HTR2C: variants seen among roughly 807,000 people sequenced by gnomAD.
The protein encoded by HTR2C is 5-hydroxytryptamine receptor 2C.
A neutral mutation model predicts 21.0 loss-of-function variants in HTR2C; 5 were observed. That is an observed-to-expected ratio of 0.24 (90% confidence interval 0.12 to 0.50). The LOEUF is 0.50. Among genes scored for constraint, HTR2C ranks in the 20% least tolerant of loss-of-function variants. HTR2C has a pLI of 0.98. For synonymous variants in HTR2C, 150 were observed against 145.3 expected (o/e 1.03, Z -0.23); for missense variants, 271 against 371.2 (o/e 0.73, Z 2.22).
At chrX:114,859,895 A>G (rs782714858) in intron 5 of HTR2C, among the ~76,000 whole-genome samples, 2 of 111,625 alleles carry the variant, frequency 1.8e-5, no homozygotes, top group South Asian at 7.3e-4. Flanking sequence ...AGCTCAAAAT[A>G]TTTACTAATT....
At chrX:114,891,702 C>T (rs782014959) in intron 5 of HTR2C, among the ~76,000 whole-genome samples, 7 of 110,231 alleles carry the variant, frequency 6.4e-5, no homozygotes, top group Non-Finnish European at 5.7e-5. Flanking sequence ...ACAGAGAGAT[C>T]GTTAAATCTA....
At chrX:114,746,860 C>T (rs2069710118) in intron 4 of HTR2C, among the ~76,000 whole-genome samples, 1 of 111,376 alleles carries the variant, frequency 9.0e-6, no homozygotes, top group Non-Finnish European at 1.9e-5. Flanking sequence ...TGGCGGGCGC[C>T]TGTAGTCCCA....
chrX:114,589,991 T>C, intron 1 of HTR2C: 1 of 160,724 alleles, frequency 6.2e-6, no homozygotes, highest in Non-Finnish European at 1.2e-5. Flanking sequence ...GTGTTAAAAA[T>C]TATTTATCAT....
intron 4 of HTR2C, among the ~76,000 whole-genome samples, chrX:114,741,040 G>T (rs1189570604): frequency 9.0e-6 from 1 of 111,068 alleles, no homozygotes; most frequent in Non-Finnish European, 1.9e-5. Flanking sequence ...GGTAGTAGGT[G>T]ATAGTTAGCT....
intron 4 of HTR2C, among the ~76,000 whole-genome samples, chrX:114,760,668 C>T (rs781976340): frequency 9.0e-6 from 1 of 111,139 alleles, no homozygotes; most frequent in Admixed American, 9.6e-5. Context: ...AGGCATGTGA[C>T]ACCATGCTCT....
chrX:114,636,364 C>T (rs1257158245), intron 2 of HTR2C, among the ~76,000 whole-genome samples: 3 of 111,506 alleles, frequency 2.7e-5, no homozygotes, highest in Non-Finnish European at 1.9e-5. Flanking sequence ...ATGGATTATA[C>T]ATCACTTTTG....
intron 4 of HTR2C, among the ~76,000 whole-genome samples, chrX:114,780,262 G>T (rs1199651937): frequency 1.8e-5 from 2 of 111,271 alleles, no homozygotes; most frequent in Non-Finnish European, 3.8e-5. Context: ...CTGCGTGTAT[G>T]TATATACACT....
chrX:114,736,987 T>C (rs924737677), intron 4 of HTR2C, among the ~76,000 whole-genome samples: 1 of 109,354 alleles, frequency 9.1e-6, no homozygotes, highest in Non-Finnish European at 1.9e-5. Flanking sequence ...CATAAAGGAG[T>C]GAACAGAGGA....
At chrX:114,758,419 C>A (rs2069834952) in intron 4 of HTR2C, among the ~76,000 whole-genome samples, 1 of 108,956 alleles carries the variant, frequency 9.2e-6, no homozygotes, top group South Asian at 4.0e-4. Flanking sequence ...AAAAAAATAG[C>A]CAAGCATAGT....
At chrX:114,649,727 T>C (rs1930485642) in intron 2 of HTR2C, among the ~76,000 whole-genome samples, 1 of 111,025 alleles carries the variant, frequency 9.0e-6, no homozygotes, top group Non-Finnish European at 1.9e-5. Flanking sequence ...GCAATTCTCC[T>C]GGCTCAGACT....
At chrX:114,653,341 T>A (rs1382998968) in intron 2 of HTR2C, among the ~76,000 whole-genome samples, 1 of 110,896 alleles carries the variant, frequency 9.0e-6, no homozygotes, top group Non-Finnish European at 1.9e-5. Context: ...ATTTTTAACC[T>A]TTTTCTTCCT....
chrX:114,875,737 G>T (rs1156418049), intron 5 of HTR2C, among the ~76,000 whole-genome samples: 2 of 110,460 alleles, frequency 1.8e-5, no homozygotes, highest in Admixed American at 9.7e-5. Context: ...TGGGTTTTCT[G>T]TTCTGTTCCA....
intron 2 of HTR2C, among the ~76,000 whole-genome samples, chrX:114,659,216 C>T (rs144150131): frequency 0.012 from 1,329 of 111,350 alleles, 16 homozygotes; most frequent in African/African-American, 0.041. Flanking sequence ...TACCTCCCAC[C>T]GGATCCCTCC....
rs2070888175 is a variant in HTR2C at position 114,848,059 on chromosome X, T to C, written c.406T>C (p.Leu136=). The change falls in exon 5 of 6, where the codon TTA becomes CTA. Residue 136 remains leucine, a synonymous_variant. Transcript: ENST00000276198. The stretch of plus-strand genomic sequence containing the variant: ...CCCCGTCTGGATTTCTTTAGATGTT[T>C]TATTTTCAACAGCGTCCATCATGCA... ...LCPVWISLDV[L]FSTASIMHLC... 1 of 1,210,791 alleles carries C rather than the reference T, an allele frequency of 8.3e-7. No homozygotes were observed. Among genetic ancestry groups the C allele is most frequent in the East Asian group, 3.0e-5 (1 of 33,827 alleles).
intron 2 of HTR2C, among the ~76,000 whole-genome samples, chrX:114,683,005 T>C (rs186689284): frequency 8.9e-5 from 10 of 112,101 alleles, no homozygotes; most frequent in African/African-American, 3.2e-4. Context: ...CAGGCAAGCA[T>C]ATCTTACTGA....
At chrX:114,678,659 G>C (rs782492499) in intron 2 of HTR2C, among the ~76,000 whole-genome samples, 1 of 111,417 alleles carries the variant, frequency 9.0e-6, no homozygotes, top group East Asian at 2.8e-4. Flanking sequence ...GCTCAAATGA[G>C]ATAATGAATG....
intron 4 of HTR2C, among the ~76,000 whole-genome samples, chrX:114,746,910 G>A (rs895890601): frequency 5.4e-5 from 6 of 111,600 alleles, no homozygotes; most frequent in Admixed American, 2.8e-4. Flanking sequence ...GTGTGAACCC[G>A]GGAGGGGGAG....
At chrX:114,672,455 A>T (rs1931415155) in intron 2 of HTR2C, among the ~76,000 whole-genome samples, 2 of 112,051 alleles carry the variant, frequency 1.8e-5, no homozygotes, top group Non-Finnish European at 3.8e-5. Flanking sequence ...TCACTCCTGG[A>T]TTAAATAAAA....
At chrX:114,678,436 G>A (rs1556413092) in intron 2 of HTR2C, among the ~76,000 whole-genome samples, 3 of 111,365 alleles carry the variant, frequency 2.7e-5, no homozygotes, top group South Asian at 7.6e-4. Flanking sequence ...AGTAATAGGC[G>A]AAACTACACA....
Sources: allele counts gnomAD v4.1 joint callset (sites outside exome capture counted in the v4.1 genomes callset), GRCh38; gene constraint gnomAD v4.1.1; transcripts MANE v1.5; gene names NCBI Gene and HGNC (gene_info 2026-07-23, HGNC 2026-07-21).